PEAK1: variants seen among roughly 807,000 people sequenced by gnomAD.
PEAK1 encodes inactive tyrosine-protein kinase PEAK1.
PEAK1 carries 54 observed loss-of-function variants against 124.7 expected under a neutral mutation model. The observed-to-expected ratio is 0.43, with a 90% CI of 0.35 to 0.54. The LOEUF (loss-of-function observed/expected upper bound fraction) is 0.54, where lower values mean the gene tolerates loss of function less well. Among genes scored for constraint, PEAK1 ranks in the 20% least tolerant of loss-of-function variants. The probability of loss-of-function intolerance (pLI) is 0.01; values close to 1 mark genes in which losing one functional copy is unlikely to be tolerated. For missense variants in PEAK1, 2,046 were observed against 2,134.5 expected (o/e 0.96, Z 0.82); for synonymous variants, 719 against 760.0 (o/e 0.95, Z 0.89).
At position 77,180,075 on chromosome 15, in the gene PEAK1, G is replaced by A. The variant is rs1353766858; in HGVS notation, c.1852C>T (p.Arg618Trp). Residue 618 changes from arginine to tryptophan, a missense_variant, in exon 7 of 10, where the codon CGG becomes TGG. Coordinates refer to ENST00000682557, the MANE Select transcript of PEAK1 (RefSeq NM_001385026.1). ...ACTTTGATAGCATTTTTGGAACTCCGAGCATAAGTTGGCTCGTCATGAATG... is the reference window on the plus strand; with the variant it reads ...ACTTTGATAGCATTTTTGGAACTCCAAGCATAAGTTGGCTCGTCATGAATG... ...IIIHDEPTYA[R>W]SSKNAIKVPI... 12 of 1,613,868 alleles carry A rather than the reference G, an allele frequency of 7.4e-6. No individual in the cohort carries two copies. The highest frequency in any genetic ancestry group is 3.3e-5 in the South Asian group (3 of 91,066).
chr15:77,363,304 T>A (rs375016365), intron 2 of PEAK1, among the ~76,000 whole-genome samples: 117 of 152,340 alleles, frequency 7.7e-4, no homozygotes, highest in Non-Finnish European at 1.4e-3. Flanking sequence ...TATTCCTAAA[T>A]GGCCATGCTC....
At chr15:77,246,744 G>A (rs1443432989) in intron 6 of PEAK1, among the ~76,000 whole-genome samples, 3 of 152,150 alleles carry the variant, frequency 2.0e-5, no homozygotes, top group African/African-American at 7.2e-5. Context: ...GAAGGACCAG[G>A]CATGGTGGCT....
chr15:77,307,277 C>A (rs976177410), intron 2 of PEAK1, among the ~76,000 whole-genome samples: 1 of 151,834 alleles, frequency 6.6e-6, no homozygotes, highest in South Asian at 2.1e-4. Flanking sequence ...AATGAGGGGA[C>A]TGGACACAAT....
intron 7 of PEAK1, chr15:77,177,719 T>C (rs960734944): frequency 6.6e-6 from 1 of 152,090 alleles, no homozygotes; most frequent in African/African-American, 2.4e-5. Context: ...ACAGGAAGCA[T>C]AGGGAAATCA....
chr15:77,123,082 C>T (rs543422265), intron 9 of PEAK1, among the ~76,000 whole-genome samples: 18 of 152,262 alleles, frequency 1.2e-4, no homozygotes, highest in African/African-American at 2.6e-4. Context: ...GAAGCAGCCC[C>T]GCTTTTGTAA....
chr15:77,283,412 T>C (rs1353271248), intron 5 of PEAK1, among the ~76,000 whole-genome samples: 1 of 152,102 alleles, frequency 6.6e-6, no homozygotes, highest in South Asian at 2.1e-4. Flanking sequence ...CATCATACCA[T>C]GTGGTCTAGA....
At chr15:77,121,069 T>C (rs914696357) in intron 9 of PEAK1, among the ~76,000 whole-genome samples, 3 of 152,180 alleles carry the variant, frequency 2.0e-5, no homozygotes, top group African/African-American at 7.2e-5. Flanking sequence ...AAAATTTTTG[T>C]TTTTTATAAT....
chr15:77,252,615 C>T, intron 5 of PEAK1, 89 bp from the exon 6 acceptor site: 2 of 696,052 alleles, frequency 2.9e-6, no homozygotes, highest in Non-Finnish European at 3.5e-6. Flanking sequence ...CTAATATCAC[C>T]CTCACTCAAC....
chr15:77,246,049 G>T (rs937151568), intron 6 of PEAK1, among the ~76,000 whole-genome samples: 30 of 150,038 alleles, frequency 2.0e-4, no homozygotes, highest in Admixed American at 9.3e-4. Flanking sequence ...TCACTCTGTC[G>T]CCAGGCTGGA....
Position 77,115,099 on chromosome 15 carries a change from T to C in PEAK1, c.4298A>G (p.Asn1433Ser), listed in dbSNP as rs1566984515. ...TGCTGCTTCAGAACAGGGCTTTGGG[T>C]TTTTCCCATCCGTTTCTCCTTTGGC... The part of the protein sequence containing the change: ...EDAKGETDGK[N>S]PKPCSEAASS... Residue 1433 changes from asparagine (N) to serine (S), a missense_variant, in exon 10 of 10, where the codon AAC becomes AGC. Physicochemically the swap from Asn to Ser is conservative, Grantham distance 46. Coordinates refer to ENST00000682557, the MANE Select transcript of PEAK1 (RefSeq NM_001385026.1). The C allele has an allele frequency of 6.2e-7, 1 of 1,613,890 alleles. No homozygotes were observed.
In PEAK1 at chr15:77,336,874, T is replaced by C. The variant is rs564508747; in HGVS notation, c.-603+28289A>G. Among the ~76,000 whole-genome samples the C allele has an allele frequency of 4.6e-5, 7 of 151,932 alleles. No individual in the cohort carries two copies. In the East Asian group the frequency reaches 9.6e-4, roughly 21 times the overall value. On this transcript the variant is annotated intron_variant, in intron 2 of 9. Coordinates refer to ENST00000682557, the MANE Select transcript of PEAK1 (RefSeq NM_001385026.1). Reference sequence around the variant, plus strand: ...TGCATATAGCAACAAAAATAGATTGTTTAAATATAGGGCTAAATGAAAAAA... The same window carrying C: ...TGCATATAGCAACAAAAATAGATTGCTTAAATATAGGGCTAAATGAAAAAA...
chr15:77,327,644 T>C (rs2065656717), intron 2 of PEAK1, among the ~76,000 whole-genome samples: 1 of 152,028 alleles, frequency 6.6e-6, no homozygotes, highest in African/African-American at 2.4e-5. Flanking sequence ...GAACTAGTTA[T>C]AGATCATTGT....
At chr15:77,278,745 G>C (rs982731537) in intron 5 of PEAK1, 1 of 485,756 alleles carries the variant, frequency 2.1e-6, no homozygotes, top group Non-Finnish European at 4.0e-6. Context: ...TGAAGCACGT[G>C]CATTTTTGAT....
At chr15:77,342,829 T>C (rs2066628058) in intron 2 of PEAK1, among the ~76,000 whole-genome samples, 1 of 152,220 alleles carries the variant, frequency 6.6e-6, no homozygotes, top group Non-Finnish European at 1.5e-5. Context: ...CCACTGTATG[T>C]ATATACCTCA....
intron 6 of PEAK1, among the ~76,000 whole-genome samples, chr15:77,228,759 A>G (rs994661676): frequency 6.6e-6 from 1 of 152,214 alleles, no homozygotes; most frequent in Non-Finnish European, 1.5e-5. Context: ...AATGTTATAT[A>G]TTAAAATACT....
At chr15:77,119,924 G>T (rs1298935748) in intron 9 of PEAK1, among the ~76,000 whole-genome samples, 1 of 152,208 alleles carries the variant, frequency 6.6e-6, no homozygotes, top group African/African-American at 2.4e-5. Flanking sequence ...AGAAGATAGT[G>T]CTGTCTAACA....
chr15:77,322,892 C>G (rs1043747449), intron 2 of PEAK1, among the ~76,000 whole-genome samples: 41 of 152,190 alleles, frequency 2.7e-4, no homozygotes, highest in African/African-American at 9.9e-4. Context: ...CAATAAAATA[C>G]TAGCAAACCG....
chr15:77,419,102 A>G (rs1358768563), intron 1 of PEAK1: 3 of 985,310 alleles, frequency 3.0e-6, no homozygotes, highest in Non-Finnish European at 3.6e-6. Flanking sequence ...CCTCAACGTC[A>G]GCCTTCCAAT....
chr15:77,355,353 A>C (rs1438391890), intron 2 of PEAK1, among the ~76,000 whole-genome samples: 2 of 152,234 alleles, frequency 1.3e-5, no homozygotes, highest in African/African-American at 4.8e-5. Context: ...TTATAAGTAA[A>C]ATACAAATTT....
Sources: allele counts gnomAD v4.1 joint callset (sites outside exome capture counted in the v4.1 genomes callset), GRCh38; gene constraint gnomAD v4.1.1; transcripts MANE v1.5; gene names NCBI Gene and HGNC (gene_info 2026-07-23, HGNC 2026-07-21).